ZFHX3: variants seen among roughly 807,000 people sequenced by gnomAD.
ZFHX3 encodes zinc finger homeobox protein 3.
ZFHX3 carries 42 observed loss-of-function variants against 279.1 expected under a neutral mutation model. The observed-to-expected ratio is 0.15, with a 90% CI of 0.12 to 0.19. The LOEUF is 0.19. Ranked by LOEUF, ZFHX3 falls within the 10% of genes least tolerant of loss-of-function variation. ZFHX3 has a pLI of 1.00. For missense variants in ZFHX3, 4,981 were observed against 4,754.0 expected, an observed-to-expected ratio of 1.05 and a Z score of -1.40; for synonymous variants, 2,293 against 1,957.8, an observed-to-expected ratio of 1.17 and a Z score of -4.52.
chr16:73,112,957 C>T (rs1966395644), intron 7 of ZFHX3, among the ~76,000 whole-genome samples: 1 of 152,040 alleles, frequency 6.6e-6, no homozygotes, highest in Non-Finnish European at 1.5e-5. Context: ...GCACCCACAG[C>T]AGCCCTGCGC....
intron 2 of ZFHX3, chr16:73,499,765 A>G (rs1187612235): frequency 6.6e-6 from 1 of 152,208 alleles, no homozygotes; most frequent in African/African-American, 2.4e-5. Flanking sequence ...CTTTTTAAAA[A>G]TATAGTCATG....
At chr16:72,962,523 A>G (rs1232241637) in intron 1 of ZFHX3, among the ~76,000 whole-genome samples, 5 of 152,154 alleles carry the variant, frequency 3.3e-5, no homozygotes, top group South Asian at 2.1e-4. Flanking sequence ...GGAGGAACCC[A>G]CTGCAGGACC....
chr16:73,049,585 AATTT>A (rs572302071), upstream of ZFHX3, among the ~76,000 whole-genome samples: 594 of 152,202 alleles, frequency 3.9e-3, 7 homozygotes, highest in African/African-American at 0.013. Flanking sequence ...ATTCTGGGGA[AATTT>A]ATTTATTTAT....
At chr16:73,766,793 G>A (rs901265523) in intron 1 of ZFHX3, among the ~76,000 whole-genome samples, 1 of 152,114 alleles carries the variant, frequency 6.6e-6, no homozygotes, top group African/African-American at 2.4e-5. Flanking sequence ...AGGTTAGCTG[G>A]CACTAAAGGA....
intron 1 of ZFHX3, among the ~76,000 whole-genome samples, chr16:73,879,860 G>A (rs545308461): frequency 1.3e-5 from 2 of 152,060 alleles, no homozygotes; most frequent in East Asian, 3.9e-4. Context: ...AATCAACAAG[G>A]TCTCCAGACA....
At position 72,796,266 on chromosome 16, in the gene ZFHX3, G is replaced by A. The variant is rs1298520638; in HGVS notation, c.6416C>T (p.Thr2139Ile). Residue 2139 changes from threonine (T) to isoleucine (I), a missense_variant, in exon 9 of 10, where the codon ACC (threonine) becomes ATC (isoleucine). This residue lies in a region of ZFHX3 where 1,751 missense variants were observed against 1,770.0 expected (regional missense o/e 0.99). Transcript: ENST00000268489. ...CCTCTTGTTCTGCTGCTGGAGCAGG[G>A]TTGGATTGAGCTGATGCTGGTAGAG... ...AQLYQHQLNP[T>I]LLQQQNKRPR... 2 of 1,614,148 alleles carry A rather than the reference G, an allele frequency of 1.2e-6. No individual in the cohort carries two copies. Among genetic ancestry groups the A allele is most frequent in the African/African-American group, 2.7e-5 (2 of 75,020 alleles).
intron 7 of ZFHX3, chr16:73,093,759 A>G (rs1290933660): frequency 3.6e-6 from 1 of 275,566 alleles, no homozygotes; most frequent in East Asian, 8.5e-5. Context: ...AAATAGAAAG[A>G]AAAACGCAAC....
chr16:73,630,249 G>A (rs929393152), intron 2 of ZFHX3, among the ~76,000 whole-genome samples: 15 of 148,782 alleles, frequency 1.0e-4, no homozygotes, highest in South Asian at 2.2e-4. Context: ...ATTTAACTTC[G>A]CCTCCAAAAA....
At chr16:73,028,533 A>G (rs1292039381) in intron 1 of ZFHX3, among the ~76,000 whole-genome samples, 1 of 152,222 alleles carries the variant, frequency 6.6e-6, no homozygotes, top group African/African-American at 2.4e-5. Flanking sequence ...CATCAGGCAC[A>G]GCCTTGGCCA....
chr16:73,742,774 G>A (rs1309332791), intron 1 of ZFHX3, among the ~76,000 whole-genome samples: 1 of 152,120 alleles, frequency 6.6e-6, no homozygotes, highest in Non-Finnish European at 1.5e-5. Flanking sequence ...TTAGTTCATG[G>A]GTGGTCTCAT....
At chr16:72,790,380 A>G (rs529175004) in intron 9 of ZFHX3, 2 of 152,308 alleles carry the variant, frequency 1.3e-5, no homozygotes, top group South Asian at 2.1e-4. Context: ...TCAAAATCTT[A>G]CTTCATCTGG....
intron 2 of ZFHX3, among the ~76,000 whole-genome samples, chr16:73,500,952 C>T (rs1287769581): frequency 6.6e-6 from 1 of 152,236 alleles, no homozygotes; most frequent in East Asian, 1.9e-4. Flanking sequence ...GCAGTAATGG[C>T]CTAGGCCGTC....
At chr16:73,195,708 C>T (rs776792341) in intron 5 of ZFHX3, among the ~76,000 whole-genome samples, 4 of 152,054 alleles carry the variant, frequency 2.6e-5, no homozygotes, top group African/African-American at 4.8e-5. Flanking sequence ...TGAGCCACCA[C>T]GCCTGGCCTG....
chr16:73,882,271 T>C (rs1001010735), intron 1 of ZFHX3, among the ~76,000 whole-genome samples: 2 of 152,042 alleles, frequency 1.3e-5, no homozygotes, highest in African/African-American at 4.8e-5. Flanking sequence ...TATTGCTTGG[T>C]AACCTCTTGG....
Position 72,794,865 on chromosome 16 carries a change from G to C in ZFHX3, c.7817C>G (p.Thr2606Ser), listed in dbSNP as rs1387650295. 5.6e-6 allele frequency: 9 copies of C among 1,613,898 alleles called. No individual in the cohort carries two copies. The highest frequency in any genetic ancestry group is 7.6e-6 in the Non-Finnish European group (9 of 1,180,048). ...IPASSATSPS[T>S]PTSTMNTLKR... ...GAGAGTGTTCATTGTGGAGGTTGGA[G>C]TTGAAGGAGAAGTGGCTGAGCTTGC... The change falls in exon 9 of 10, where the codon ACT (threonine) becomes AGT (serine). Residue 2606 changes from threonine to serine, a missense_variant. Physicochemically the swap from Thr to Ser is moderately conservative, Grantham distance 58. This residue lies in a region of ZFHX3 where 744 missense variants were observed against 701.3 expected (regional missense o/e 1.06). Coordinates refer to ENST00000268489, the MANE Select transcript of ZFHX3 (RefSeq NM_006885.4). The surrounding 1 kb of genome is among the most constrained non-coding windows in gnomAD (Gnocchi z 4.2).
At chr16:73,309,700 C>A (rs966553261) in intron 4 of ZFHX3, among the ~76,000 whole-genome samples, 12 of 152,152 alleles carry the variant, frequency 7.9e-5, no homozygotes, top group Non-Finnish European at 1.6e-4. Context: ...GGCATGTACT[C>A]TCAGGAACTT....
chr16:73,311,668 GTTCTC>G (rs2015331118), intron 4 of ZFHX3, among the ~76,000 whole-genome samples: 1 of 148,522 alleles, frequency 6.7e-6, no homozygotes, highest in South Asian at 2.2e-4. Flanking sequence ...AAAAATGTTT[GTTCTC>G]TTCTTTGAAC....
At chr16:73,553,406 C>T (rs1431695827) in intron 2 of ZFHX3, among the ~76,000 whole-genome samples, 1 of 152,156 alleles carries the variant, frequency 6.6e-6, no homozygotes, top group Non-Finnish European at 1.5e-5. Context: ...AGTTTCAACA[C>T]TGTCATCAGG....
chr16:73,881,268 G>A, intron 1 of ZFHX3, among the ~76,000 whole-genome samples: 1 of 152,176 alleles, frequency 6.6e-6, no homozygotes, highest in East Asian at 1.9e-4. Flanking sequence ...GTGCGGAGCA[G>A]ACAAGCCCCA....
Sources: gnomAD v4.1 joint callset for allele counts (sites outside exome capture counted in the v4.1 genomes callset) on GRCh38, gnomAD v4.1.1 for gene constraint, gnomAD v4.1.1 regional missense constraint, Gnocchi (gnomAD v3.1) non-coding constraint, MANE v1.5 for transcripts, NCBI Gene and HGNC (gene_info 2026-07-23, HGNC 2026-07-21) for gene names.